The following KCNMA1 variants were observed in gnomAD, a reference collection of about 807,000 sequenced individuals.
KCNMA1 encodes the protein potassium calcium-activated channel subfamily M alpha 1.
A neutral mutation model predicts 140.0 loss-of-function variants in KCNMA1; 29 were observed. The ratio of observed to expected loss-of-function variants is 0.21; its 90% CI spans 0.15 to 0.28. The LOEUF is 0.28. Ranked by LOEUF, KCNMA1 falls within the 10% of genes least tolerant of loss-of-function variation. KCNMA1 has a pLI of 1.00. For synonymous variants in KCNMA1, 612 were observed against 611.9 expected, an observed-to-expected ratio of 1.00 and a Z score of 0.00; for missense variants, 880 against 1,602.2, an observed-to-expected ratio of 0.55 and a Z score of 7.70.
chr10:77,344,110 C>T (rs2091625644), intron 2 of KCNMA1, among the ~76,000 whole-genome samples: 1 of 152,200 alleles, frequency 6.6e-6, no homozygotes. Context: ...TCCCTTAGTG[C>T]CTCATGTCCT....
At chr10:76,908,611 A>T (rs1184001534) in intron 25 of KCNMA1, among the ~76,000 whole-genome samples, 1 of 152,256 alleles carries the variant, frequency 6.6e-6, no homozygotes, top group Non-Finnish European at 1.5e-5. Context: ...AGATGAGACC[A>T]GTACATAATT....
chr10:77,603,973 C>T (rs1266247435), intron 1 of KCNMA1, among the ~76,000 whole-genome samples: 1 of 152,230 alleles, frequency 6.6e-6, no homozygotes, highest in Non-Finnish European at 1.5e-5. Flanking sequence ...GTGAATTGCT[C>T]ACAACGGTGC....
chr10:76,898,050 T>C (rs568110402), intron 25 of KCNMA1, among the ~76,000 whole-genome samples: 209 of 151,932 alleles, frequency 1.4e-3, no homozygotes, highest in African/African-American at 4.7e-3. Context: ...ATAAAACATA[T>C]AATTATGATA....
At chr10:76,954,556 A>G (rs961436086) in intron 20 of KCNMA1, among the ~76,000 whole-genome samples, 3 of 152,216 alleles carry the variant, frequency 2.0e-5, no homozygotes, top group Non-Finnish European at 2.9e-5. Flanking sequence ...ATGTCACTTC[A>G]GAGCAGACTG....
intron 2 of KCNMA1, among the ~76,000 whole-genome samples, chr10:77,331,382 T>C (rs2086358585): frequency 6.6e-6 from 1 of 152,190 alleles, no homozygotes; most frequent in Admixed American, 6.5e-5. Context: ...CCATTAAACA[T>C]ATCCACTTCC....
At chr10:77,009,301 G>A (rs2090099086) in intron 18 of KCNMA1, among the ~76,000 whole-genome samples, 1 of 152,122 alleles carries the variant, frequency 6.6e-6, no homozygotes, top group Non-Finnish European at 1.5e-5. Flanking sequence ...AAACAATTAT[G>A]GGCCTCTCTC....
Position 77,221,773 on chromosome 10 carries a change from A to G in KCNMA1, c.602+29422T>C, listed in dbSNP as rs528976350. Among the ~76,000 whole-genome samples, 6 of 152,298 alleles carry G rather than the reference A, an allele frequency of 3.9e-5. No individual in the cohort carries two copies. In the East Asian group the frequency reaches 9.7e-4, roughly 25 times the overall value. ...AGGTCCAATTTTCATCAAATTCTCA[A>G]GAAAGTCTATGTTCTCCCCAACCCC... On this transcript the variant is annotated intron_variant, in intron 3 of 27. Transcript: ENST00000286628.
chr10:77,276,796 T>C (rs2066810838), intron 2 of KCNMA1, among the ~76,000 whole-genome samples: 1 of 152,124 alleles, frequency 6.6e-6, no homozygotes, highest in African/African-American at 2.4e-5. Flanking sequence ...AAATGAATAA[T>C]ACTATAAAAT....
chr10:76,964,303 T>C (rs1410119383), intron 20 of KCNMA1, among the ~76,000 whole-genome samples: 1 of 152,102 alleles, frequency 6.6e-6, no homozygotes, highest in Non-Finnish European at 1.5e-5. Flanking sequence ...TAAGATGTTA[T>C]CTAGTGTTAG....
intron 2 of KCNMA1, among the ~76,000 whole-genome samples, chr10:77,337,505 AGCTACTCG>A (rs2089518071): frequency 6.6e-6 from 1 of 152,182 alleles, no homozygotes. Context: ...CTGAAATCCC[AGCTACTCG>A]GGAGGTTGAG....
At chr10:76,974,352 C>A in intron 19 of KCNMA1, 1 of 504,060 alleles carries the variant, frequency 2.0e-6, no homozygotes. Context: ...ATTTTGCTGC[C>A]CAACAAGCTA....
intron 23 of KCNMA1, among the ~76,000 whole-genome samples, chr10:76,928,813 G>C (rs2058505757): frequency 6.6e-6 from 1 of 152,082 alleles, no homozygotes; most frequent in African/African-American, 2.4e-5. Context: ...GCCGACACAG[G>C]CAACTCCAGA....
chr10:77,242,029 C>T (rs1379634879), intron 3 of KCNMA1, among the ~76,000 whole-genome samples: 2 of 152,030 alleles, frequency 1.3e-5, no homozygotes, highest in Non-Finnish European at 2.9e-5. Flanking sequence ...GGCCTGTTTG[C>T]GAGCAGCACA....
chr10:77,023,455 T>C (rs908198950), intron 16 of KCNMA1, among the ~76,000 whole-genome samples: 2 of 152,200 alleles, frequency 1.3e-5, no homozygotes, highest in Admixed American at 6.5e-5. Context: ...ACTTTGTGCT[T>C]GATAACGTAG....
chr10:77,557,180 T>C (rs1319652962), intron 1 of KCNMA1, among the ~76,000 whole-genome samples: 1 of 152,254 alleles, frequency 6.6e-6, no homozygotes, highest in African/African-American at 2.4e-5. Flanking sequence ...AGGCTCATTA[T>C]TTCAATCTTG....
intron 14 of KCNMA1, among the ~76,000 whole-genome samples, chr10:77,059,437 C>T (rs770779901): frequency 6.6e-6 from 1 of 151,954 alleles, no homozygotes; most frequent in Non-Finnish European, 1.5e-5. Flanking sequence ...AAAACAAACA[C>T]ACACAAATTC....
At chr10:77,520,176 CTG>C (rs1373503993) in intron 1 of KCNMA1, among the ~76,000 whole-genome samples, 1 of 4,478 alleles carries the variant, frequency 2.2e-4, no homozygotes, top group African/African-American at 1.1e-3. Flanking sequence ...AGTGTGAGGG[CTG>C]GGGTATGCAG....
Position 77,008,521 on chromosome 10 carries a change from G to A in KCNMA1, c.2092+3446C>T, listed in dbSNP as rs139627582. Among the ~76,000 whole-genome samples the A allele has an allele frequency of 1.9e-3, 290 of 152,304 alleles. 9 individuals carry two copies. In the East Asian group the frequency reaches 0.048, roughly 25 times the overall value. On this transcript the variant is annotated intron_variant, in intron 18 of 27. Coordinates refer to ENST00000286628, the MANE Select transcript of KCNMA1 (RefSeq NM_001161352.2). ...TGAAGAAATGGAAAGAAATGCAAAC[G>A]TTAAACTATACTATCACAGGATTTC...
At chr10:77,416,149 T>A (rs547668309) in intron 1 of KCNMA1, among the ~76,000 whole-genome samples, 1 of 152,254 alleles carries the variant, frequency 6.6e-6, no homozygotes, top group East Asian at 1.9e-4. Context: ...ACACTCATAG[T>A]GGCCAGGTTC....
Sources: gnomAD v4.1 joint callset for allele counts (sites outside exome capture counted in the v4.1 genomes callset) on GRCh38, gnomAD v4.1.1 for gene constraint, MANE v1.5 for transcripts, NCBI Gene and HGNC (gene_info 2026-07-23, HGNC 2026-07-21) for gene names.